The following SNTG1 variants were observed in gnomAD, a reference collection of about 807,000 sequenced individuals.
The protein encoded by SNTG1 is syntrophin gamma 1.
Under a neutral mutation model 74.7 loss-of-function variants are expected in SNTG1, and 39 were observed. The ratio of observed to expected loss-of-function variants is 0.52; its 90% CI spans 0.40 to 0.68. The LOEUF is 0.68. SNTG1 is among the 30% of genes least tolerant of loss of function. The pLI, the probability that SNTG1 is intolerant of heterozygous loss-of-function variation, is 0.00. For missense variants in SNTG1, 685 were observed against 609.5 expected (o/e 1.12, Z -1.30); for synonymous variants, 254 against 217.1 (o/e 1.17, Z -1.49).
rs915955286 is a variant in SNTG1 at position 50,219,592 on chromosome 8, T to C, written c.-28+46957T>C. On this transcript the variant is annotated intron_variant, in intron 2 of 18. Transcript: ENST00000642720. ...TGGGAAGTCAAAGGGGAATCAGACA[T>C]GTGCTATATAGCTGGAGCAGGAGGA... Among the ~76,000 whole-genome samples the C allele has an allele frequency of 2.6e-5, 4 of 152,054 alleles. No individual in the cohort carries two copies. In the East Asian group the frequency reaches 5.8e-4, roughly 22 times the overall value.
chr8:50,634,215 C>T (rs558710152), intron 13 of SNTG1, among the ~76,000 whole-genome samples: 1 of 152,292 alleles, frequency 6.6e-6, no homozygotes, highest in South Asian at 2.1e-4. Flanking sequence ...TTTTTACTGA[C>T]ATTTAATCTG....
chr8:50,466,922 C>G (rs996094816), intron 8 of SNTG1, among the ~76,000 whole-genome samples: 5 of 151,796 alleles, frequency 3.3e-5, no homozygotes, highest in Non-Finnish European at 7.4e-5. Context: ...TAAGAGGTGT[C>G]GTGTTTTGTT....
chr8:50,479,659 G>A (rs1447902793), intron 8 of SNTG1, among the ~76,000 whole-genome samples: 1 of 151,944 alleles, frequency 6.6e-6, no homozygotes, highest in Non-Finnish European at 1.5e-5. Flanking sequence ...CACTCACTGT[G>A]GAGTCTAGCC....
At chr8:50,623,198 A>G (rs2094934616) in intron 13 of SNTG1, among the ~76,000 whole-genome samples, 1 of 152,086 alleles carries the variant, frequency 6.6e-6, no homozygotes, top group South Asian at 2.1e-4. Context: ...AAGGATTTCC[A>G]GTATTATTTT....
In SNTG1 at chr8:50,197,179, A is replaced by C. The variant is rs190418246; in HGVS notation, c.-28+24544A>C. ...TTTTTCTTTGTGGTCTTCACTTGCA[A>C]ATAGTTGAATTAATCATATTATTTG... On this transcript the variant is annotated intron_variant, in intron 2 of 18. Coordinates refer to ENST00000642720, the MANE Select transcript of SNTG1 (RefSeq NM_018967.5). Among the ~76,000 whole-genome samples the C allele has an allele frequency of 2.7e-3, 413 of 152,336 alleles. 2 individuals carry two copies. The highest frequency in any genetic ancestry group is 9.4e-3 in the African/African-American group (390 of 41,576).
chr8:50,766,406 GAAT>G (rs2095614089), intron 18 of SNTG1, among the ~76,000 whole-genome samples: 1 of 151,844 alleles, frequency 6.6e-6, no homozygotes. Flanking sequence ...GCTGATTTGG[GAAT>G]AATAATTGAA....
chr8:49,943,174 G>A (rs983424833), intron 1 of SNTG1, among the ~76,000 whole-genome samples: 2 of 152,166 alleles, frequency 1.3e-5, no homozygotes, highest in South Asian at 4.1e-4. Context: ...AGTTGGGAGT[G>A]AAAGAACGTT....
chr8:50,189,582 A>T (rs902249009), intron 2 of SNTG1, among the ~76,000 whole-genome samples: 2 of 152,110 alleles, frequency 1.3e-5, no homozygotes, highest in African/African-American at 4.8e-5. Flanking sequence ...TTTGTTTCTG[A>T]ATTTGTTCTG....
At chr8:50,606,136 C>T (rs1234662741) in intron 13 of SNTG1, among the ~76,000 whole-genome samples, 1 of 152,082 alleles carries the variant, frequency 6.6e-6, no homozygotes. Context: ...ATTTTGTCTA[C>T]TCTGGAATCT....
At chr8:50,674,295 T>A (rs972434740) in intron 15 of SNTG1, among the ~76,000 whole-genome samples, 1 of 151,860 alleles carries the variant, frequency 6.6e-6, no homozygotes, top group Non-Finnish European at 1.5e-5. Flanking sequence ...GCTGTGAATT[T>A]CCCTGGTCCT....
chr8:50,234,859 A>G (rs1780931535), intron 2 of SNTG1, among the ~76,000 whole-genome samples: 1 of 152,082 alleles, frequency 6.6e-6, no homozygotes, highest in African/African-American at 2.4e-5. Flanking sequence ...TCTTTTTGCT[A>G]GAATAAGAAA....
chr8:50,386,432 G>C (rs916315082), intron 2 of SNTG1, among the ~76,000 whole-genome samples: 1 of 103,920 alleles, frequency 9.6e-6, no homozygotes, highest in Non-Finnish European at 2.0e-5. Context: ...CAATTCTTTG[G>C]GGGAGGCTGG....
At chr8:50,663,389 G>C (rs1438145280) in intron 15 of SNTG1, among the ~76,000 whole-genome samples, 1 of 152,168 alleles carries the variant, frequency 6.6e-6, no homozygotes, top group African/African-American at 2.4e-5. Context: ...AATGCAACGT[G>C]AGATGGAGAT....
intron 2 of SNTG1, among the ~76,000 whole-genome samples, chr8:50,257,508 G>A (rs76951986): frequency 6.6e-6 from 1 of 152,108 alleles, no homozygotes; most frequent in African/African-American, 2.4e-5. Context: ...AATTTCGAAG[G>A]GTGTTTCAGA....
Position 50,656,841 on chromosome 8 carries a change from A to C in SNTG1, c.850-68A>C, listed in dbSNP as rs112242549. ...AAATATTTTTAATATTTGCATCTAA[A>C]TATTTTTAGATATAAGATATCTAAA... On this transcript the variant is annotated intron_variant, in intron 13 of 18. Transcript: ENST00000642720. The C allele has an allele frequency of 9.1e-6, 9 of 987,924 alleles. No homozygotes were observed. In the African/African-American group the frequency reaches 1.0e-4, roughly 11 times the overall value. 61.2% of individuals were successfully genotyped at this position (987,924 alleles called of 1,614,324 possible). A position where few individuals can be genotyped will look rare whatever the true frequency, so the allele number is the denominator to read the frequency against.
At chr8:50,208,849 A>G (rs2084372811) in intron 2 of SNTG1, among the ~76,000 whole-genome samples, 1 of 152,098 alleles carries the variant, frequency 6.6e-6, no homozygotes, top group Non-Finnish European at 1.5e-5. Context: ...AAGATGGGTG[A>G]TTTCTGCATT....
intron 1 of SNTG1, among the ~76,000 whole-genome samples, chr8:50,072,574 G>C (rs1473205180): frequency 6.6e-6 from 1 of 152,116 alleles, no homozygotes; most frequent in Non-Finnish European, 1.5e-5. Context: ...CTGTAACAAA[G>C]TAAATATAAT....
chr8:50,078,839 T>G (rs189767017), intron 1 of SNTG1, among the ~76,000 whole-genome samples: 12 of 152,322 alleles, frequency 7.9e-5, no homozygotes, highest in African/African-American at 2.4e-4. Context: ...TGTGTTAGTT[T>G]GCTAAGGATG....
intron 1 of SNTG1, among the ~76,000 whole-genome samples, chr8:50,095,133 A>G (rs1006878354): frequency 2.0e-5 from 3 of 152,180 alleles, no homozygotes; most frequent in African/African-American, 7.2e-5. Context: ...AGACGGGAGC[A>G]ATAAACGTCA....
Sources: gnomAD v4.1 joint callset for allele counts (sites outside exome capture counted in the v4.1 genomes callset) on GRCh38, gnomAD v4.1.1 for gene constraint, MANE v1.5 for transcripts, NCBI Gene and HGNC (gene_info 2026-07-23, HGNC 2026-07-21) for gene names.